Variants in FSTL4 observed in about 807,000 individuals in gnomAD.
FSTL4 encodes the protein follistatin-related protein 4.
FSTL4 carries 28 observed loss-of-function variants against 78.2 expected under a neutral mutation model. The observed-to-expected ratio is 0.36, with a 90% CI of 0.27 to 0.49. FSTL4 has a LOEUF of 0.49. Ranked by LOEUF, FSTL4 falls within the 20% of genes least tolerant of loss-of-function variation. FSTL4 has a pLI of 0.98. For synonymous variants in FSTL4, 422 were observed against 440.5 expected (o/e 0.96, Z 0.53); for missense variants, 922 against 1,084.9 (o/e 0.85, Z 2.11).
chr5:133,578,545 A>T (rs1238880094), intron 2 of FSTL4, among the ~76,000 whole-genome samples: 1 of 152,258 alleles, frequency 6.6e-6, no homozygotes, highest in Non-Finnish European at 1.5e-5. Flanking sequence ...AAATGGAATT[A>T]ATGGTGATTA....
At chr5:133,254,687 G>GA (rs758659204) in intron 6 of FSTL4, among the ~76,000 whole-genome samples, 1 of 152,252 alleles carries the variant, frequency 6.6e-6, no homozygotes, top group Non-Finnish European at 1.5e-5. Context: ...CGTCAGAACT[G>GA]AAACCTGATT....
intron 6 of FSTL4, among the ~76,000 whole-genome samples, chr5:133,299,493 C>T (rs1753482569): frequency 1.3e-5 from 2 of 152,172 alleles, no homozygotes; most frequent in Non-Finnish European, 2.9e-5. Flanking sequence ...GGCAGGGAGG[C>T]TGTGGAGAGT....
the FSTL4 span, among the ~76,000 whole-genome samples, chr5:133,781,597 A>T: frequency 6.6e-6 from 1 of 152,132 alleles, no homozygotes; most frequent in Non-Finnish European, 1.5e-5. Context: ...GTGGCCCACC[A>T]CATTACCCAC....
At chr5:133,251,580 C>G (rs917361352) in intron 6 of FSTL4, among the ~76,000 whole-genome samples, 1 of 151,930 alleles carries the variant, frequency 6.6e-6, no homozygotes, top group Admixed American at 6.6e-5. Flanking sequence ...CCTGTCTTAC[C>G]CCTCCCTAAT....
At chr5:133,413,102 T>G (rs1022368076) in intron 3 of FSTL4, among the ~76,000 whole-genome samples, 15 of 152,170 alleles carry the variant, frequency 9.9e-5, no homozygotes, top group Admixed American at 2.0e-4. Context: ...TTATCTCAAA[T>G]TTTAAAATGT....
chr5:133,814,540 C>T, the FSTL4 span, among the ~76,000 whole-genome samples: 1 of 152,146 alleles, frequency 6.6e-6, no homozygotes, highest in Non-Finnish European at 1.5e-5. Flanking sequence ...TGCAGACTTC[C>T]TCCTACTCCT....
chr5:133,297,238 G>C (rs1197092897), intron 6 of FSTL4, among the ~76,000 whole-genome samples: 1 of 152,212 alleles, frequency 6.6e-6, no homozygotes, highest in Admixed American at 6.5e-5. Flanking sequence ...ATCCCTGCCA[G>C]ACAGAGGAAG....
chr5:133,551,037 G>T (rs1759682102), intron 3 of FSTL4, among the ~76,000 whole-genome samples: 5 of 152,174 alleles, frequency 3.3e-5, no homozygotes, highest in Admixed American at 3.3e-4. Context: ...TTTCCATGCA[G>T]ACCCTGTTAA....
intron 4 of FSTL4, among the ~76,000 whole-genome samples, chr5:133,365,939 A>C (rs1158313229): frequency 6.6e-6 from 1 of 152,158 alleles, no homozygotes; most frequent in Non-Finnish European, 1.5e-5. Flanking sequence ...CAAAGGGATG[A>C]GGGCTAGCCC....
the FSTL4 span, among the ~76,000 whole-genome samples, chr5:133,814,873 CTAAG>C: frequency 6.6e-6 from 1 of 152,258 alleles, no homozygotes; most frequent in East Asian, 1.9e-4. Context: ...AAACTGTGCC[CTAAG>C]TGTTTATATT....
intron 6 of FSTL4, among the ~76,000 whole-genome samples, chr5:133,290,773 C>T (rs187348178): frequency 2.6e-5 from 4 of 152,330 alleles, no homozygotes; most frequent in African/African-American, 4.8e-5. Flanking sequence ...ATGGACAGGC[C>T]GGCAGACAGG....
intron 7 of FSTL4, among the ~76,000 whole-genome samples, chr5:133,240,818 G>T (rs1045654439): frequency 1.3e-5 from 2 of 152,214 alleles, no homozygotes; most frequent in African/African-American, 2.4e-5. Flanking sequence ...CTCCTGGGAA[G>T]CCCTGAGAGG....
At chr5:133,823,094 C>A in the FSTL4 span, among the ~76,000 whole-genome samples, 1 of 152,120 alleles carries the variant, frequency 6.6e-6, no homozygotes, top group African/African-American at 2.4e-5. Context: ...AGTGCCATAG[C>A]GTTCAGGAGA....
At chr5:133,523,465 T>C (rs1231307628) in intron 3 of FSTL4, among the ~76,000 whole-genome samples, 1 of 116,188 alleles carries the variant, frequency 8.6e-6, no homozygotes, top group East Asian at 2.0e-4. Flanking sequence ...CACCAGATAG[T>C]GGATGACATA....
chr5:133,448,816 C>T (rs921886154), intron 3 of FSTL4, among the ~76,000 whole-genome samples: 1 of 151,324 alleles, frequency 6.6e-6, no homozygotes, highest in African/African-American at 2.4e-5. Context: ...TGAAGTTTGA[C>T]ACCCAAAGGT....
intron 2 of FSTL4, among the ~76,000 whole-genome samples, chr5:133,581,036 C>T (rs1287361676): frequency 6.6e-6 from 1 of 152,126 alleles, no homozygotes; most frequent in Non-Finnish European, 1.5e-5. Context: ...GTTTGGGCTC[C>T]CACAGGCTTT....
At chr5:133,579,941 A>G (rs1760365273) in intron 2 of FSTL4, among the ~76,000 whole-genome samples, 1 of 152,142 alleles carries the variant, frequency 6.6e-6, no homozygotes, top group Non-Finnish European at 1.5e-5. Flanking sequence ...TGAGAAGGTG[A>G]GCAAGCTGGG....
chr5:133,482,910 T>C (rs1259505410), intron 3 of FSTL4, among the ~76,000 whole-genome samples: 1 of 152,108 alleles, frequency 6.6e-6, no homozygotes, highest in Non-Finnish European at 1.5e-5. Context: ...GGCCTGAGCA[T>C]TGAAAAGGAA....
intron 3 of FSTL4, among the ~76,000 whole-genome samples, chr5:133,450,768 T>G (rs916439383): frequency 2.5e-4 from 38 of 152,178 alleles, no homozygotes; most frequent in African/African-American, 8.9e-4. Context: ...GCAGCTGACT[T>G]AATGCAGAGT....
Sources: gnomAD v4.1 joint callset for allele counts (sites outside exome capture counted in the v4.1 genomes callset) on GRCh38, gnomAD v4.1.1 for gene constraint, MANE v1.5 for transcripts, NCBI Gene and HGNC (gene_info 2026-07-23, HGNC 2026-07-21) for gene names.